Variants in CCSER1 observed in about 807,000 individuals in gnomAD.
The protein encoded by CCSER1 is serine-rich coiled-coil domain-containing protein 1.
CCSER1 carries 41 observed loss-of-function variants against 82.0 expected under a neutral mutation model. That is an observed-to-expected ratio of 0.50 (90% CI 0.39 to 0.65). The LOEUF (loss-of-function observed/expected upper bound fraction) is 0.65. CCSER1 is among the 30% of genes least tolerant of loss of function. The pLI, the probability that CCSER1 is intolerant of heterozygous loss-of-function variation, is 0.00. For synonymous variants in CCSER1, 414 were observed against 383.9 expected, an observed-to-expected ratio of 1.08 and a Z score of -0.92; for missense variants, 1,119 against 1,064.2, an observed-to-expected ratio of 1.05 and a Z score of -0.72.
intron 10 of CCSER1, among the ~76,000 whole-genome samples, chr4:91,140,476 T>C (rs1299028921): frequency 6.6e-6 from 1 of 152,088 alleles, no homozygotes; most frequent in African/African-American, 2.4e-5. Context: ...CTTAATATTT[T>C]GGCTATTAGA....
At position 90,723,977 on chromosome 4, in the gene CCSER1, C is replaced by T; in HGVS notation, c.1996C>T (p.Pro666Ser). The T allele has an allele frequency of 1.3e-6, 2 of 1,569,238 alleles. No individual in the cohort carries two copies. Among genetic ancestry groups the T allele is most frequent in the South Asian group, 1.2e-5 (1 of 84,534 alleles). Reference sequence around the variant, plus strand: ...TCCTGTTAGTCCTCTTACTGAAGAGCCAGTGCCTTTCAAGGTAAAAAACAA... The same window carrying T: ...TCCTGTTAGTCCTCTTACTGAAGAGTCAGTGCCTTTCAAGGTAAAAAACAA... ...SLPVSPLTEE[P>S]VPFKDIMKDE... The change falls in exon 7 of 11, where the codon CCA (proline) becomes TCA (serine). Residue 666 changes from proline (P) to serine (S), a missense_variant. Coordinates refer to ENST00000509176, the MANE Select transcript of CCSER1 (RefSeq NM_001145065.2).
In CCSER1 at chr4:90,402,254, T is replaced by C. The variant is rs576770950; in HGVS notation, c.1603+2125T>C. Among the ~76,000 whole-genome samples the C allele has an allele frequency of 7.2e-5, 11 of 152,328 alleles. No homozygotes were observed. In the South Asian group the frequency reaches 2.1e-3, roughly 29 times the overall value. On this transcript the variant is annotated intron_variant, in intron 4 of 10. Transcript: ENST00000509176. ...TGTAGGTTAAAAGAGGCAAATGCAA[T>C]TGACATTCTTGTTGGTATACTTATC...
intron 10 of CCSER1, among the ~76,000 whole-genome samples, chr4:91,271,604 C>T (rs979614788): frequency 6.6e-6 from 1 of 152,034 alleles, no homozygotes. Context: ...ATGCCATTTA[C>T]TAATTCCCTT....
intron 3 of CCSER1, among the ~76,000 whole-genome samples, chr4:90,352,196 C>T (rs1056956535): frequency 1.6e-4 from 25 of 151,794 alleles, no homozygotes; most frequent in Non-Finnish European, 1.6e-4. Context: ...TGGTGGCGGG[C>T]GCCTGTTGTC....
At chr4:90,177,931 A>G (rs1179948700) in intron 1 of CCSER1, among the ~76,000 whole-genome samples, 1 of 152,086 alleles carries the variant, frequency 6.6e-6, no homozygotes, top group Non-Finnish European at 1.5e-5. Flanking sequence ...AAAATCCAAA[A>G]TTTTGAGTGC....
At chr4:90,198,102 A>T (rs1390326129) in intron 1 of CCSER1, among the ~76,000 whole-genome samples, 1 of 152,086 alleles carries the variant, frequency 6.6e-6, no homozygotes, top group Non-Finnish European at 1.5e-5. Context: ...AAAATATAGA[A>T]ATCTGCCCTT....
At chr4:91,175,610 A>G (rs574193088) in intron 10 of CCSER1, among the ~76,000 whole-genome samples, 3 of 152,322 alleles carry the variant, frequency 2.0e-5, no homozygotes, top group South Asian at 4.1e-4. Context: ...TGTTGGCTGC[A>G]TAAATGTCTT....
intron 1 of CCSER1, among the ~76,000 whole-genome samples, chr4:90,247,069 G>T (rs1000747249): frequency 7.2e-5 from 11 of 152,168 alleles, no homozygotes; most frequent in Non-Finnish European, 5.9e-5. Context: ...CCTACAGCAT[G>T]AATCTGTTGG....
intron 3 of CCSER1, among the ~76,000 whole-genome samples, chr4:90,339,422 A>G (rs1006050370): frequency 6.6e-6 from 1 of 152,126 alleles, no homozygotes; most frequent in Non-Finnish European, 1.5e-5. Context: ...AAATTAAATT[A>G]TGTTATGTCT....
intron 1 of CCSER1, among the ~76,000 whole-genome samples, chr4:90,209,121 G>C (rs1209088486): frequency 6.6e-6 from 1 of 152,014 alleles, no homozygotes; most frequent in African/African-American, 2.4e-5. Flanking sequence ...TAAGAAATTG[G>C]GCCAGTGACC....
Position 91,296,479 on chromosome 4 carries a change from A to T in CCSER1, c.2217+210485A>T, listed in dbSNP as rs191754090. Among the ~76,000 whole-genome samples the T allele has an allele frequency of 6.6e-3, 686 of 104,370 alleles. 12 individuals are homozygous for T. Among genetic ancestry groups the T allele is most frequent in the African/African-American group, 0.015 (320 of 21,416 alleles). 68.5% of individuals were successfully genotyped at this position (104,370 alleles called of 152,430 possible). On this transcript the variant is annotated intron_variant, in intron 10 of 10. Transcript: ENST00000509176. ...TATATATATATATGTATATATATAT[A>T]TATATATTTTAATTAAATATACAGT...
At chr4:90,430,246 A>G (rs1758089859) in intron 4 of CCSER1, among the ~76,000 whole-genome samples, 1 of 151,924 alleles carries the variant, frequency 6.6e-6, no homozygotes, top group Non-Finnish European at 1.5e-5. Flanking sequence ...ATCATGTTAT[A>G]GCTAACATTT....
chr4:91,406,513 C>T (rs1752712602), intron 10 of CCSER1, among the ~76,000 whole-genome samples: 1 of 152,162 alleles, frequency 6.6e-6, no homozygotes, highest in South Asian at 2.1e-4. Context: ...TTCCTTACCA[C>T]TGGGACTCAT....
At chr4:90,414,136 A>G (rs1036567350) in intron 4 of CCSER1, among the ~76,000 whole-genome samples, 1 of 149,906 alleles carries the variant, frequency 6.7e-6, no homozygotes, top group Non-Finnish European at 1.5e-5. Context: ...AGAATGGTAT[A>G]TGAATTCAAA....
chr4:90,265,210 A>G (rs914079039), intron 1 of CCSER1, among the ~76,000 whole-genome samples: 3 of 151,846 alleles, frequency 2.0e-5, no homozygotes, highest in Admixed American at 2.0e-4. Context: ...TCCTGAGGCA[A>G]TATTTTTTAT....
chr4:90,266,662 G>C (rs544494089), intron 1 of CCSER1, among the ~76,000 whole-genome samples: 1 of 152,194 alleles, frequency 6.6e-6, no homozygotes, highest in South Asian at 2.1e-4. Flanking sequence ...TGTGCTTCTG[G>C]GGGAGGGAGA....
At chr4:91,401,814 G>A (rs1578368405) in intron 10 of CCSER1, among the ~76,000 whole-genome samples, 1 of 152,126 alleles carries the variant, frequency 6.6e-6, no homozygotes, top group Non-Finnish European at 1.5e-5. Context: ...GGACATTTGG[G>A]TTGGTTCCAA....
At chr4:90,744,075 G>A (rs1003621617) in intron 7 of CCSER1, among the ~76,000 whole-genome samples, 1 of 152,106 alleles carries the variant, frequency 6.6e-6, no homozygotes, top group African/African-American at 2.4e-5. Flanking sequence ...AAGGTACTGG[G>A]GGCTGGGAAT....
intron 3 of CCSER1, among the ~76,000 whole-genome samples, chr4:90,391,354 T>G (rs971560871): frequency 1.3e-4 from 18 of 143,790 alleles, no homozygotes; most frequent in Admixed American, 2.1e-4. Flanking sequence ...TTTGAGGTGA[T>G]GAATACCCCA....
Sources: gnomAD v4.1 joint callset for allele counts (sites outside exome capture counted in the v4.1 genomes callset) on GRCh38, gnomAD v4.1.1 for gene constraint, MANE v1.5 for transcripts, NCBI Gene and HGNC (gene_info 2026-07-23, HGNC 2026-07-21) for gene names.